Variants in CNGB3 observed in about 807,000 individuals in gnomAD.
CNGB3 encodes cyclic nucleotide gated channel subunit beta 3.
Under a neutral mutation model 92.8 loss-of-function variants are expected in CNGB3, and 86 were observed. That is an observed-to-expected ratio of 0.93 (90% confidence interval 0.78 to 1.11). The LOEUF is 1.11. Ranked by LOEUF, CNGB3 falls within the 50% of genes least tolerant of loss-of-function variation. CNGB3 has a pLI of 0.00. For missense variants in CNGB3, 1,026 were observed against 956.8 expected (o/e 1.07, Z -0.95); for synonymous variants, 333 against 332.7 (o/e 1.00, Z -0.01).
chr8:86,741,034 C>A (rs1389014280), intron 1 of CNGB3, among the ~76,000 whole-genome samples: 4 of 152,056 alleles, frequency 2.6e-5, no homozygotes, highest in Non-Finnish European at 5.9e-5. Flanking sequence ...GACTGATTTG[C>A]AGTTCTTAAA....
intron 10 of CNGB3, among the ~76,000 whole-genome samples, chr8:86,636,554 CAGAGTA>C (rs2131588762): frequency 1.0e-5 from 1 of 97,952 alleles, no homozygotes; most frequent in East Asian, 3.3e-4. Context: ...GCCGGGGTGA[CAGAGTA>C]AGACCCTGTC....
At chr8:86,732,611 G>A (rs1825175887) in intron 2 of CNGB3, among the ~76,000 whole-genome samples, 1 of 152,250 alleles carries the variant, frequency 6.6e-6, no homozygotes, top group Middle Eastern at 3.4e-3. Context: ...TTCTTACAAC[G>A]AGCCCCTGCC....
rs1421139526 is a variant in CNGB3 at position 86,667,125 on chromosome 8, A to G, written c.652T>C (p.Tyr218His). The G allele has an allele frequency of 1.2e-6, 2 of 1,613,802 alleles. No homozygotes were observed. Among genetic ancestry groups the G allele is most frequent in the Non-Finnish European group, 1.7e-6 (2 of 1,179,844 alleles). Residue 218 changes from tyrosine (Y) to histidine (H), a missense_variant, in exon 6 of 18, where the codon TAT becomes CAT. Tyr to His is a moderately conservative substitution (Grantham distance 83, BLOSUM62 2). Transcript: ENST00000320005. The part of the protein sequence containing the change: ...NSIDSYTDRL[Y>H]LLWLLLVTLA... ...GTGACAAGCAAGAGCCACAGGAGAT[A>G]GAGTCGATCTGGAAAAACAGCAAGT...
chr8:86,707,945 T>C (rs919358800), intron 3 of CNGB3: 2 of 152,192 alleles, frequency 1.3e-5, no homozygotes, highest in Admixed American at 1.3e-4. Context: ...AGAATGAAGA[T>C]TCCTTGTACT....
chr8:86,595,530 G>A (rs369201395), intron 15 of CNGB3, among the ~76,000 whole-genome samples: 7 of 152,166 alleles, frequency 4.6e-5, no homozygotes, highest in Admixed American at 2.0e-4. Flanking sequence ...ATATTCAAAA[G>A]GATGTAGTGA....
chr8:86,620,661 C>T (rs2131576032), intron 13 of CNGB3, among the ~76,000 whole-genome samples: 1 of 152,296 alleles, frequency 6.6e-6, no homozygotes, highest in Admixed American at 6.5e-5. Context: ...ACCATTCCCT[C>T]CTTTGTGCAC....
intron 2 of CNGB3, among the ~76,000 whole-genome samples, chr8:86,731,991 G>A (rs1290109948): frequency 7.9e-5 from 12 of 152,194 alleles, no homozygotes; most frequent in Admixed American, 7.2e-4. Flanking sequence ...TATATTCTTT[G>A]GCAGAAAGAA....
chr8:86,643,969 C>T, intron 9 of CNGB3, 96 bp from the exon 10 acceptor site: 1 of 1,374,724 alleles, frequency 7.3e-7, no homozygotes, highest in South Asian at 1.2e-5. Flanking sequence ...CAGCGAACCC[C>T]TTGCTTTGGA....
intron 13 of CNGB3, among the ~76,000 whole-genome samples, chr8:86,621,970 C>A (rs144257607): frequency 6.6e-6 from 1 of 152,018 alleles, no homozygotes; most frequent in Non-Finnish European, 1.5e-5. Context: ...CGCTTGAACC[C>A]GGGAGGCACA....
chr8:86,682,259 A>G (rs780224370), intron 3 of CNGB3, among the ~76,000 whole-genome samples: 10 of 152,198 alleles, frequency 6.6e-5, no homozygotes, highest in Non-Finnish European at 1.3e-4. Context: ...TCTAAGAAGT[A>G]ATTCATGCCC....
intron 6 of CNGB3, among the ~76,000 whole-genome samples, chr8:86,663,092 A>C (rs1469777362): frequency 1.3e-5 from 2 of 152,238 alleles, no homozygotes; most frequent in African/African-American, 4.8e-5. Context: ...CAGAATTATG[A>C]GTAAAGTGTA....
chr8:86,690,916 A>G (rs1824299182), intron 3 of CNGB3, among the ~76,000 whole-genome samples: 2 of 152,056 alleles, frequency 1.3e-5, no homozygotes, highest in African/African-American at 4.8e-5. Context: ...CCATTGATCT[A>G]TATCTCTGTT....
intron 15 of CNGB3, chr8:86,593,839 C>T: frequency 1.1e-6 from 1 of 931,102 alleles, no homozygotes; most frequent in South Asian, 1.4e-5. Context: ...GGAAGTTGGT[C>T]AAATTGAACT....
chr8:86,589,136 G>C (rs1174766634), intron 15 of CNGB3, among the ~76,000 whole-genome samples: 7 of 150,292 alleles, frequency 4.7e-5, no homozygotes, highest in Non-Finnish European at 1.0e-4. Context: ...AGAGGTGTTT[G>C]TAGTATTCTC....
rs1025218380 is a variant in CNGB3, at chr8:86,652,510, T to A, written c.903+1502A>T. ...TGTAATAACACTTAGCTTAAAACAC[T>A]CATTGTGCAGCTATACAAAAGTATT... On this transcript the variant is annotated intron_variant, in intron 7 of 17. Coordinates refer to ENST00000320005, the MANE Select transcript of CNGB3 (RefSeq NM_019098.5). 3.3e-5 allele frequency among the ~76,000 whole-genome samples: 5 copies of A among 152,060 alleles called. No individual in the cohort carries two copies. In the South Asian group the frequency reaches 6.2e-4, roughly 19 times the overall value.
At chr8:86,739,796 T>C (rs993404739) in intron 1 of CNGB3, 60 bp from the exon 2 acceptor site, 27 of 1,568,622 alleles carry the variant, frequency 1.7e-5, no homozygotes, top group South Asian at 2.2e-5. Flanking sequence ...AAGTTGAATG[T>C]AAAACATAAC....
chr8:86,734,575 A>G (rs968144852), intron 2 of CNGB3, among the ~76,000 whole-genome samples: 4 of 152,230 alleles, frequency 2.6e-5, no homozygotes, highest in Non-Finnish European at 4.4e-5. Context: ...GGTCTTGTGG[A>G]CTAAATTTGG....
Position 86,667,129 on chromosome 8 carries a change from T to C in CNGB3, c.648A>G (p.Arg216=), listed in dbSNP as rs1263989314. ...CAAGCAAGAGCCACAGGAGATAGAG[T>C]CGATCTGGAAAAACAGCAAGTGGTG... is the stretch of plus-strand genomic sequence containing the variant. ...LPNSIDSYTD[R]LYLLWLLLVT... is the part of the protein sequence containing the mutation. Residue 216 remains arginine, a synonymous_variant, in exon 6 of 18, where the codon CGA becomes CGG. Coordinates refer to ENST00000320005, the MANE Select transcript of CNGB3 (RefSeq NM_019098.5). 4 of 1,613,240 alleles carry C rather than the reference T, an allele frequency of 2.5e-6. No individual in the cohort carries two copies. In the African/African-American group the frequency reaches 5.3e-5, roughly 22 times the overall value.
intron 2 of CNGB3, among the ~76,000 whole-genome samples, chr8:86,727,989 C>A (rs1034119445): frequency 2.0e-5 from 3 of 152,092 alleles, no homozygotes; most frequent in Admixed American, 6.5e-5. Context: ...TAAAGGAAAT[C>A]AAAAAATTGA....
Sources: gnomAD v4.1 joint callset for allele counts (sites outside exome capture counted in the v4.1 genomes callset) on GRCh38, gnomAD v4.1.1 for gene constraint, MANE v1.5 for transcripts, NCBI Gene and HGNC (gene_info 2026-07-23, HGNC 2026-07-21) for gene names.